The following ZNF71 variants were observed in gnomAD, a reference collection of about 807,000 sequenced individuals.
ZNF71 encodes the protein zinc finger protein 71.
A neutral mutation model predicts 6.7 loss-of-function variants in ZNF71; 3 were observed. The ratio of observed to expected loss-of-function variants is 0.45; its 90% confidence interval spans 0.20 to 1.16. The LOEUF (loss-of-function observed/expected upper bound fraction) is 1.16. Ranked by LOEUF, ZNF71 falls within the 50% of genes most tolerant of loss-of-function variation. The pLI, the probability that ZNF71 is intolerant of heterozygous loss-of-function variation, is 0.25. For missense variants in ZNF71, 688 were observed against 728.6 expected, an observed-to-expected ratio of 0.94 and a Z score of 0.64; for synonymous variants, 343 against 311.1, an observed-to-expected ratio of 1.10 and a Z score of -1.08.
chr19:56,606,995 G>A (rs775093890), intron 2 of ZNF71, among the ~76,000 whole-genome samples: 72 of 152,078 alleles, frequency 4.7e-4, no homozygotes, highest in Admixed American at 1.1e-3. Flanking sequence ...TACCAAAGCT[G>A]ACTTATATTG....
chr19:56,614,138 T>C (rs1328279255), intron 3 of ZNF71, among the ~76,000 whole-genome samples, 200 bp downstream of exon 3: 1 of 152,248 alleles, frequency 6.6e-6, no homozygotes, highest in African/African-American at 2.4e-5. Context: ...AGGGTCATAA[T>C]TATGTAAGCA....
rs2044689259 is a variant in ZNF71 at position 56,603,814 on chromosome 19, A to G, written c.33+2223A>G. ...TTTTTTTTTAATTACTACTAGTGTAATTACATTCAATTTTTAAAAAAAATT... is the reference window on the plus strand; with the variant it reads ...TTTTTTTTTAATTACTACTAGTGTAGTTACATTCAATTTTTAAAAAAAATT... On this transcript the variant is annotated intron_variant, in intron 2 of 3. Coordinates refer to ENST00000599599, the MANE Select transcript of ZNF71 (RefSeq NM_001370215.1). The surrounding 1 kb of genome is among the most constrained non-coding windows in gnomAD (Gnocchi z 4.6). Among the ~76,000 whole-genome samples, 1 of 150,012 alleles carries G rather than the reference A, an allele frequency of 6.7e-6. No individual in the cohort carries two copies. The highest frequency in any genetic ancestry group is 2.0e-4 in the East Asian group (1 of 5,092).
intron 3 of ZNF71, among the ~76,000 whole-genome samples, chr19:56,620,508 TTTC>T (rs1009593927): frequency 1.5e-4 from 23 of 152,194 alleles, no homozygotes; most frequent in African/African-American, 5.5e-4. Context: ...CTTTATTCTT[TTTC>T]TTCTTTTTTC....
chr19:56,622,856 G>A lies in ZNF71; in HGVS notation c.*99G>A. The A allele has an allele frequency of 6.9e-7, 1 of 1,459,020 alleles. No homozygotes were observed. Among genetic ancestry groups the A allele is most frequent in the African/African-American group, 1.4e-5 (1 of 70,464 alleles). 90.4% of individuals were successfully genotyped at this position (1,459,020 alleles called of 1,614,324 possible). ...CTGTGAGAAGTTCTCCCCTGGGGTG[G>A]GGACTCGGGGTCAGGGGAGCTCAGG... On this transcript the variant is annotated 3_prime_UTR_variant, in exon 4 of 4. Coordinates refer to ENST00000599599, the MANE Select transcript of ZNF71 (RefSeq NM_001370215.1).
rs2044689297 is a variant in ZNF71 at position 56,603,824 on chromosome 19, A to G, written c.33+2233A>G. ...ATTACTACTAGTGTAATTACATTCA[A>G]TTTTTAAAAAAAATTGAGCCTGTCT... On this transcript the variant is annotated intron_variant, in intron 2 of 3. Coordinates refer to ENST00000599599, the MANE Select transcript of ZNF71 (RefSeq NM_001370215.1). The surrounding 1 kb of genome is among the most constrained non-coding windows in gnomAD (Gnocchi z 4.6). 6.9e-6 allele frequency among the ~76,000 whole-genome samples: 1 copy of G among 145,550 alleles called. No individual in the cohort carries two copies. Among genetic ancestry groups the G allele is most frequent in the Non-Finnish European group, 1.5e-5 (1 of 66,570 alleles).
intron 3 of ZNF71, among the ~76,000 whole-genome samples, chr19:56,614,270 A>T (rs1265506583): frequency 6.6e-6 from 1 of 152,222 alleles, no homozygotes; most frequent in East Asian, 1.9e-4. Context: ...AAACCTTACT[A>T]CTGGAGACAC....
rs566518390 is a variant in ZNF71 at position 56,622,042 on chromosome 19, G to A, written c.935G>A (p.Ser312Asn). 53 of 1,612,988 alleles carry A rather than the reference G, an allele frequency of 3.3e-5. No individual in the cohort carries two copies. The South Asian group carries it at 5.3e-4, about 16-fold the overall frequency. The change falls in exon 4 of 4, where the codon AGC (serine) becomes AAC (asparagine). Residue 312 changes from serine to asparagine, a missense_variant. Transcript: ENST00000599599. ...YACGDCGKAF[S>N]QNMHLIVHQR... ...TGCGGGGACTGCGGCAAGGCCTTCA[G>A]CCAGAACATGCACCTCATCGTGCAC...
chr19:56,600,984 G>T (rs2044666621), intron 1 of ZNF71, among the ~76,000 whole-genome samples: 1 of 152,162 alleles, frequency 6.6e-6, no homozygotes, highest in Non-Finnish European at 1.5e-5. Flanking sequence ...TGGTTCTGGG[G>T]CATCTCAGGG....
chr19:56,621,639 A>G lies in ZNF71; in HGVS notation c.532A>G (p.Ser178Gly). The G allele has an allele frequency of 6.2e-7, 1 of 1,614,212 alleles. No homozygotes were observed. The highest frequency in any genetic ancestry group is 1.1e-5 in the South Asian group (1 of 91,086). Residue 178 changes from serine to glycine, a missense_variant, in exon 4 of 4, where the codon AGT (serine) becomes GGT (glycine). By Grantham distance (56) the Ser-to-Gly change is moderately conservative (BLOSUM62 0). Coordinates refer to ENST00000599599, the MANE Select transcript of ZNF71 (RefSeq NM_001370215.1). ...GAACTTCTCCAGCACTTCAGACCTC[A>G]GTAAGCCCCCCATGCCCTGCGAGGA... Reference protein sequence around the residue: ...GKNFSSTSDLSKPPMPCEEKK... With the variant: ...GKNFSSTSDLGKPPMPCEEKK...
intron 3 of ZNF71, among the ~76,000 whole-genome samples, chr19:56,617,986 A>G (rs1157625358): frequency 1.4e-5 from 2 of 147,882 alleles, no homozygotes; most frequent in African/African-American, 5.0e-5. Flanking sequence ...GACAAAATTC[A>G]CCATCACCCC....
chr19:56,598,107 A>G lies in ZNF71; in HGVS notation c.-53+2679A>G, dbSNP rs2044639656. On this transcript the variant is annotated intron_variant, in intron 1 of 3. Coordinates refer to ENST00000599599, the MANE Select transcript of ZNF71 (RefSeq NM_001370215.1). The surrounding 1 kb of genome is among the most constrained non-coding windows in gnomAD (Gnocchi z 4.2). ...ACAGATGACAAACTTGAAAACAACT[A>G]TTTTAAAAAAGACAGTTGTCAATAG... is the stretch of plus-strand genomic sequence containing the variant. Among the ~76,000 whole-genome samples the G allele has an allele frequency of 6.6e-6, 1 of 152,192 alleles. No homozygotes were observed. Among genetic ancestry groups the G allele is most frequent in the Non-Finnish European group, 1.5e-5 (1 of 68,042 alleles).
rs1015990312 is a variant in ZNF71, at chr19:56,613,982, T to G, written c.160+44T>G. ...GAGTTACTCATCATTGGCCCATAAC[T>G]TCAGGACCACAAATAAATTAAAAAA... On this transcript the variant is annotated intron_variant, in intron 3 of 3. Transcript: ENST00000599599. This position sits in a 1 kb window ranked among gnomAD's most constrained non-coding sequence, Gnocchi z 4.6. The G allele has an allele frequency of 1.0e-5, 11 of 1,061,186 alleles. No individual in the cohort carries two copies. In the African/African-American group the frequency reaches 1.9e-4, roughly 18 times the overall value. 65.7% of individuals were successfully genotyped at this position (1,061,186 alleles called of 1,614,324 possible). A position where few individuals can be genotyped will look rare whatever the true frequency, so the allele number is the denominator to read the frequency against.
At chr19:56,604,696 C>T (rs74817458) in intron 2 of ZNF71, among the ~76,000 whole-genome samples, 16,528 of 152,142 alleles carry the variant, frequency 0.11, 1,217 homozygotes, top group East Asian at 0.31. Flanking sequence ...AACCACCAGC[C>T]CAACTGCTTT....
In ZNF71 at chr19:56,623,000, G is replaced by C. The variant is rs909792729; in HGVS notation, c.*243G>C. Reference sequence around the variant, plus strand: ...ACACTTCAAGGTTCACTGTAGCTGAGCCATGGCCGCTGGTAACAGACATCA... The same window carrying C: ...ACACTTCAAGGTTCACTGTAGCTGACCCATGGCCGCTGGTAACAGACATCA... On this transcript the variant is annotated 3_prime_UTR_variant, in exon 4 of 4. Coordinates refer to ENST00000599599, the MANE Select transcript of ZNF71 (RefSeq NM_001370215.1). 1 of 569,256 alleles carries C rather than the reference G, an allele frequency of 1.8e-6. No homozygotes were observed. The highest frequency in any genetic ancestry group is 3.1e-6 in the Non-Finnish European group (1 of 318,406). 35.3% of individuals were successfully genotyped at this position (569,256 alleles called of 1,614,324 possible). A position where few individuals can be genotyped will look rare whatever the true frequency, so the allele number is the denominator to read the frequency against.
Position 56,622,772 on chromosome 19 carries a change from G to T in ZNF71, c.*15G>T, listed in dbSNP as rs894542928. 3 of 1,574,562 alleles carry T rather than the reference G, an allele frequency of 1.9e-6. No homozygotes were observed. The highest frequency in any genetic ancestry group is 1.8e-5 in the Admixed American group (1 of 56,944). ...TTCACACCTGAGCGCCTCTGTGCAG[G>T]GCTCTCACTGGCGGTGCCCAGGACG... On this transcript the variant is annotated 3_prime_UTR_variant, in exon 4 of 4. Transcript: ENST00000599599.
At chr19:56,604,719 A>G (rs1600586345) in intron 2 of ZNF71, among the ~76,000 whole-genome samples, 1 of 152,024 alleles carries the variant, frequency 6.6e-6, no homozygotes, top group South Asian at 2.1e-4. Flanking sequence ...ATCAAAGGTG[A>G]CCCCTCAGGC....
Position 56,598,429 on chromosome 19 carries a change from C to G in ZNF71, c.-53+3001C>G, listed in dbSNP as rs758791437. On this transcript the variant is annotated intron_variant, in intron 1 of 3. Transcript: ENST00000599599. The surrounding 1 kb of genome is among the most constrained non-coding windows in gnomAD (Gnocchi z 4.2). ...GATTTCTAATGGTGGGGGAAGCCAACGAAGAGTTTTGAAGAGTTTTAGCCC... is the reference window on the plus strand; with the variant it reads ...GATTTCTAATGGTGGGGGAAGCCAAGGAAGAGTTTTGAAGAGTTTTAGCCC... Among the ~76,000 whole-genome samples, 1 of 152,080 alleles carries G rather than the reference C, an allele frequency of 6.6e-6. No individual in the cohort carries two copies.
At position 56,621,905 on chromosome 19, in the gene ZNF71, C is replaced by T; in HGVS notation, c.798C>T (p.Arg266=). 1.9e-6 allele frequency: 3 copies of T among 1,612,756 alleles called. No individual in the cohort carries two copies. Among genetic ancestry groups the T allele is most frequent in the Non-Finnish European group, 1.7e-6 (2 of 1,179,668 alleles). ...SQRMNLTVHQ[R]THTGEKPYVC... ...GCATGAACCTCACTGTGCACCAGCG[C>T]ACGCACACGGGCGAGAAGCCGTATG... The change falls in exon 4 of 4, where the codon CGC becomes CGT. Residue 266 remains arginine (R), a synonymous_variant. Coordinates refer to ENST00000599599, the MANE Select transcript of ZNF71 (RefSeq NM_001370215.1).
chr19:56,621,725 A>G lies in ZNF71; in HGVS notation c.618A>G (p.Ile206Met). 2 of 1,613,468 alleles carry G rather than the reference A, an allele frequency of 1.2e-6. No homozygotes were observed. The highest frequency in any genetic ancestry group is 1.7e-6 in the Non-Finnish European group (2 of 1,179,868). Residue 206 changes from isoleucine to methionine, a missense_variant, in exon 4 of 4, where the codon ATA becomes ATG. Ile to Met is a conservative substitution (Grantham distance 10, BLOSUM62 1). Transcript: ENST00000599599. ...GKAFSRSSSL[I>M]KHQRIHTGEK... The stretch of plus-strand genomic sequence containing the variant: ...CCTTTAGCCGAAGCTCGTCCCTGAT[A>G]AAGCACCAAAGGATCCACACGGGAG...
Sources: allele counts gnomAD v4.1 joint callset (sites outside exome capture counted in the v4.1 genomes callset), GRCh38; gene constraint gnomAD v4.1.1; non-coding constraint Gnocchi (gnomAD v3.1); transcripts MANE v1.5; gene names NCBI Gene and HGNC (gene_info 2026-07-23, HGNC 2026-07-21).